MALRD1: variants seen among roughly 807,000 people sequenced by gnomAD.
The protein encoded by MALRD1 is MAM and LDL receptor class A domain containing 1, also known as MAM and LDL-receptor class A domain-containing protein 1.
In MALRD1, 247 loss-of-function variants were observed where a neutral mutation model predicts 242.1. That is an observed-to-expected ratio of 1.02 (90% CI 0.92 to 1.13). The LOEUF (loss-of-function observed/expected upper bound fraction) is 1.13, where lower values mean the gene tolerates loss of function less well. MALRD1 is among the 50% of genes most tolerant of loss of function. The probability of loss-of-function intolerance (pLI) is 0.00; values close to 1 mark genes in which losing one functional copy is unlikely to be tolerated. For missense variants in MALRD1, 2,989 were observed against 2,533.1 expected (o/e 1.18, Z -3.86); for synonymous variants, 995 against 866.6 (o/e 1.15, Z -2.60).
Position 19,088,063 on chromosome 10 carries a change from T to C in MALRD1, c.475T>C (p.Leu159=), listed in dbSNP as rs553101081. Residue 159 remains leucine (L), a synonymous_variant, in exon 4 of 40, where the codon TTA becomes CTA. Coordinates refer to ENST00000454679, the MANE Select transcript of MALRD1 (RefSeq NM_001142308.3). ...YYFSCQVSGK[L]MVGLQTACGG... ...CTTCTCCTGCCAAGTGAGTGGCAAA[T>C]TAATGGTTGGGCTTCAAACTGCATG... 4 of 1,233,564 alleles carry C rather than the reference T, an allele frequency of 3.2e-6. No individual in the cohort carries two copies. The highest frequency in any genetic ancestry group is 3.2e-5 in the East Asian group (1 of 31,682). 76.4% of individuals were successfully genotyped at this position (1,233,564 alleles called of 1,614,324 possible).
Position 19,376,542 on chromosome 10 carries a change from C to CTTT in MALRD1, c.4442-10960_4442-10958dup, listed in dbSNP as rs57836152. 2.1e-4 allele frequency among the ~76,000 whole-genome samples: 20 copies of CTTT among 94,986 alleles called. 1 individual carries two copies. The highest frequency in any genetic ancestry group is 5.5e-4 in the African/African-American group (14 of 25,270). 62.3% of individuals were successfully genotyped at this position (94,986 alleles called of 152,430 possible). ...TTGAAAGTCAAGGAGTTGATACATTCTTTTTTTTTTTTTTTTTTTTTTTTT... is the reference window on the plus strand; with the variant it reads ...TTGAAAGTCAAGGAGTTGATACATTCTTTTTTTTTTTTTTTTTTTTTTTTTTTT... On this transcript the variant is annotated intron_variant, in intron 26 of 39. Transcript: ENST00000454679.
intron 29 of MALRD1, among the ~76,000 whole-genome samples, chr10:19,484,731 AAACTAATAC>A (rs1167021019): frequency 6.6e-6 from 1 of 152,244 alleles, no homozygotes; most frequent in Admixed American, 6.5e-5. Context: ...ATGGAAATGT[AAACTAATAC>A]AACCTCTATG....
intron 33 of MALRD1, among the ~76,000 whole-genome samples, chr10:19,584,656 A>G (rs900378566): frequency 2.4e-4 from 36 of 151,814 alleles, no homozygotes; most frequent in African/African-American, 5.8e-4. Context: ...TATGTGGTCA[A>G]TTTTGGAATA....
intron 18 of MALRD1, among the ~76,000 whole-genome samples, chr10:19,222,048 C>G (rs1410908415): frequency 6.6e-6 from 1 of 152,028 alleles, no homozygotes; most frequent in African/African-American, 2.4e-5. Flanking sequence ...AGTCCGTGGC[C>G]AGTTTTGAAA....
chr10:19,501,262 T>C (rs1167464392), intron 31 of MALRD1, among the ~76,000 whole-genome samples: 1 of 152,166 alleles, frequency 6.6e-6, no homozygotes, highest in African/African-American at 2.4e-5. Context: ...TAATTAGGGG[T>C]TTGACCTGTG....
chr10:19,628,250 G>A (rs1839760397), intron 36 of MALRD1, among the ~76,000 whole-genome samples: 1 of 152,082 alleles, frequency 6.6e-6, no homozygotes, highest in Non-Finnish European at 1.5e-5. Flanking sequence ...AAATAAAGTG[G>A]CAATATTCAT....
At chr10:19,654,336 C>T (rs932768169) in intron 36 of MALRD1, among the ~76,000 whole-genome samples, 4 of 152,072 alleles carry the variant, frequency 2.6e-5, no homozygotes, top group Non-Finnish European at 4.4e-5. Flanking sequence ...TAGCAGAACA[C>T]GTTTAACCAA....
intron 19 of MALRD1, among the ~76,000 whole-genome samples, chr10:19,276,418 G>C (rs964904645): frequency 2.0e-5 from 3 of 152,070 alleles, no homozygotes. Context: ...TTAAAAGGAT[G>C]ATTTTCAAAG....
chr10:19,315,178 A>G (rs1435338611), intron 21 of MALRD1, among the ~76,000 whole-genome samples: 1 of 131,920 alleles, frequency 7.6e-6, no homozygotes, highest in African/African-American at 2.8e-5. Flanking sequence ...TAATTTATAT[A>G]AATATATAAA....
chr10:19,557,668 T>C lies in MALRD1; in HGVS notation c.5479-9834T>C, dbSNP rs1835785615. Reference sequence around the variant, plus strand: ...TTTCACAAATACTACATTGTCTTGATTACTATAGCCTTATATGATGTCTAA... The same window carrying C: ...TTTCACAAATACTACATTGTCTTGACTACTATAGCCTTATATGATGTCTAA... On this transcript the variant is annotated intron_variant, in intron 32 of 39. Coordinates refer to ENST00000454679, the MANE Select transcript of MALRD1 (RefSeq NM_001142308.3). 2.6e-5 allele frequency among the ~76,000 whole-genome samples: 4 copies of C among 152,144 alleles called. No individual in the cohort carries two copies. In the South Asian group the frequency reaches 8.3e-4, roughly 31 times the overall value.
rs1430006602 is a variant in MALRD1 at position 19,132,494 on chromosome 10, G to C, written c.1111-1362G>C. Among the ~76,000 whole-genome samples, 5 of 152,306 alleles carry C rather than the reference G, an allele frequency of 3.3e-5. No homozygotes were observed. The South Asian group carries it at 1.0e-3, about 32-fold the overall frequency. On this transcript the variant is annotated intron_variant, in intron 8 of 39. Transcript: ENST00000454679. ...TGAAATATTTAGGTCTTCGAAATTTGGAGTAAGCATTTGAGGGTGCAGGAC... is the reference window on the plus strand; with the variant it reads ...TGAAATATTTAGGTCTTCGAAATTTCGAGTAAGCATTTGAGGGTGCAGGAC...
At chr10:19,474,121 G>A (rs1836621295) in intron 29 of MALRD1, among the ~76,000 whole-genome samples, 1 of 150,998 alleles carries the variant, frequency 6.6e-6, no homozygotes, top group Non-Finnish European at 1.5e-5. Context: ...TTGGACATTT[G>A]TGTATGTTCT....
At chr10:19,555,498 C>T (rs562905268) in intron 32 of MALRD1, among the ~76,000 whole-genome samples, 27 of 152,180 alleles carry the variant, frequency 1.8e-4, no homozygotes, top group African/African-American at 6.5e-4. Flanking sequence ...GAAAACATTT[C>T]AAACAGAAAA....
intron 19 of MALRD1, among the ~76,000 whole-genome samples, chr10:19,268,457 G>C (rs901321662): frequency 3.9e-5 from 6 of 152,082 alleles, no homozygotes; most frequent in Admixed American, 1.3e-4. Context: ...AGAAGAAATG[G>C]ATGATATTCC....
At position 19,347,961 on chromosome 10, in the gene MALRD1, C is replaced by T; in HGVS notation, c.4092C>T (p.Pro1364=). 6.5e-7 allele frequency: 1 copy of T among 1,550,318 alleles called. No homozygotes were observed. The highest frequency in any genetic ancestry group is 8.7e-7 in the Non-Finnish European group (1 of 1,146,822). The change falls in exon 25 of 40, where the codon CCC becomes CCT. Residue 1364 remains proline (P), a synonymous_variant. Transcript: ENST00000454679. ...TAAAGAGTTTGTTTCCTCAGCAGCC[C>T]ATGAGAGCTGCCAGAATTTCAAGTC... is the stretch of plus-strand genomic sequence containing the variant. ...IFIKSLFPQQ[P]MRAARISSPV...
At chr10:19,585,943 C>G (rs1837369764) in intron 33 of MALRD1, among the ~76,000 whole-genome samples, 1 of 152,110 alleles carries the variant, frequency 6.6e-6, no homozygotes, top group Non-Finnish European at 1.5e-5. Flanking sequence ...TCTTTTTCCT[C>G]TAAACTTCCC....
At chr10:19,570,090 G>A (rs1398092206) in intron 33 of MALRD1, among the ~76,000 whole-genome samples, 2 of 151,846 alleles carry the variant, frequency 1.3e-5, no homozygotes, top group Admixed American at 6.6e-5. Flanking sequence ...TGTCAAGGAC[G>A]ATTTAAAAAC....
At position 19,283,060 on chromosome 10, in the gene MALRD1, T is replaced by C; in HGVS notation, c.3298T>C (p.Trp1100Arg). ...CTTTGAGAAAAGAAGCCTGTGTAAATGGTATCAACCAATCCCAGTACATTT... is the reference window on the plus strand; with the variant it reads ...CTTTGAGAAAAGAAGCCTGTGTAAACGGTATCAACCAATCCCAGTACATTT... ...CSFEKRSLCK[W>R]YQPIPVHLLQ... is the part of the protein sequence containing the mutation. The change falls in exon 21 of 40, where the codon TGG becomes CGG. Residue 1100 changes from tryptophan (W) to arginine (R), a missense_variant. Trp to Arg is a moderately radical substitution (Grantham distance 101). Coordinates refer to ENST00000454679, the MANE Select transcript of MALRD1 (RefSeq NM_001142308.3). The C allele has an allele frequency of 3.9e-6, 6 of 1,549,350 alleles. No homozygotes were observed. The highest frequency in any genetic ancestry group is 5.2e-6 in the Non-Finnish European group (6 of 1,146,212).
intron 30 of MALRD1, among the ~76,000 whole-genome samples, chr10:19,495,760 A>G (rs925287498): frequency 2.0e-5 from 3 of 152,204 alleles, no homozygotes; most frequent in Admixed American, 1.3e-4. Flanking sequence ...AAAATGCCCC[A>G]ATTAAAAGGC....
Sources: allele counts gnomAD v4.1 joint callset (sites outside exome capture counted in the v4.1 genomes callset), GRCh38; gene constraint gnomAD v4.1.1; transcripts MANE v1.5; gene names NCBI Gene and HGNC (gene_info 2026-07-23, HGNC 2026-07-21).